EFCAB11: variants seen among roughly 807,000 people sequenced by gnomAD.
The protein encoded by EFCAB11 is EF-hand calcium binding domain 11, also known as EF-hand calcium-binding domain-containing protein 11.
EFCAB11 carries 14 observed loss-of-function variants against 23.0 expected under a neutral mutation model. That is an observed-to-expected ratio of 0.61 (90% CI 0.40 to 0.95). EFCAB11 has a LOEUF of 0.95. Ranked by LOEUF, EFCAB11 falls within the 40% of genes least tolerant of loss-of-function variation. EFCAB11 has a pLI of 0.00. For missense variants in EFCAB11, 198 were observed against 195.8 expected (o/e 1.01, Z -0.07); for synonymous variants, 65 against 66.6 (o/e 0.98, Z 0.11).
At chr14:89,872,326 C>T (rs1377103242) in intron 5 of EFCAB11, among the ~76,000 whole-genome samples, 3 of 152,296 alleles carry the variant, frequency 2.0e-5, no homozygotes, top group Non-Finnish European at 2.9e-5. Context: ...AAGCCACACG[C>T]GCAAAGGCAC....
At chr14:89,907,583 T>A (rs896365040) in intron 5 of EFCAB11, among the ~76,000 whole-genome samples, 31 of 152,328 alleles carry the variant, frequency 2.0e-4, no homozygotes, top group African/African-American at 7.2e-4. Flanking sequence ...TGAAAATTTA[T>A]ATGCTGTCTA....
At chr14:89,812,062 G>C (rs1886166621) in intron 5 of EFCAB11, among the ~76,000 whole-genome samples, 1 of 152,114 alleles carries the variant, frequency 6.6e-6, no homozygotes, top group Non-Finnish European at 1.5e-5. Context: ...GTTGGTTCCA[G>C]TTCTAAATCT....
At chr14:89,835,644 T>TGTGTGTGTGTGTG (rs1223325732) in intron 5 of EFCAB11, among the ~76,000 whole-genome samples, 94 of 57,928 alleles carry the variant, frequency 1.6e-3, no homozygotes, top group African/African-American at 3.8e-3. Context: ...GTGTGTGTGT[T>TGTGTGTGTGTGTG]TGAGACGTTG....
intron 1 of EFCAB11, chr14:89,954,279 A>G: frequency 6.9e-7 from 1 of 1,443,120 alleles, no homozygotes; most frequent in Admixed American, 2.0e-5. Context: ...TCTACCCAAA[A>G]TTCAGTCCTG....
At chr14:89,911,414 T>C (rs1235141637) in intron 5 of EFCAB11, among the ~76,000 whole-genome samples, 1 of 152,166 alleles carries the variant, frequency 6.6e-6, no homozygotes, top group African/African-American at 2.4e-5. Flanking sequence ...CAGACGTTAT[T>C]TCAGACTACG....
At chr14:89,942,803 T>C (rs1363512901) in intron 3 of EFCAB11, among the ~76,000 whole-genome samples, 1 of 152,226 alleles carries the variant, frequency 6.6e-6, no homozygotes, top group East Asian at 1.9e-4. Context: ...CATGTACACT[T>C]CTTCCAGATA....
chr14:89,930,394 T>C (rs1890348336), intron 5 of EFCAB11, among the ~76,000 whole-genome samples: 2 of 152,236 alleles, frequency 1.3e-5, no homozygotes, highest in Middle Eastern at 3.2e-3. Flanking sequence ...TCTTCCTTGG[T>C]ATCAGAACCT....
chr14:89,827,739 T>C (rs1886747449), intron 5 of EFCAB11, among the ~76,000 whole-genome samples: 1 of 150,708 alleles, frequency 6.6e-6, no homozygotes, highest in Admixed American at 6.7e-5. Context: ...GTTCAAGCGA[T>C]TCTCCTGCCT....
chr14:89,943,438 C>T (rs1176620850), intron 3 of EFCAB11, among the ~76,000 whole-genome samples: 5 of 151,686 alleles, frequency 3.3e-5, no homozygotes, highest in Admixed American at 1.3e-4. Context: ...GATGGGGTTT[C>T]GCCATGTTGC....
At chr14:89,895,329 C>T (rs932625264) in intron 5 of EFCAB11, among the ~76,000 whole-genome samples, 4 of 152,128 alleles carry the variant, frequency 2.6e-5, no homozygotes, top group African/African-American at 9.7e-5. Flanking sequence ...GAAATCTGAA[C>T]AGTTTCTGGT....
intron 5 of EFCAB11, chr14:89,836,562 G>A (rs547424402): frequency 3.7e-5 from 17 of 456,548 alleles, no homozygotes; most frequent in African/African-American, 4.0e-5. Context: ...GGGACCAGAC[G>A]TCAGTACTCC....
chr14:89,834,226 A>C (rs919040757), intron 5 of EFCAB11, among the ~76,000 whole-genome samples: 5 of 151,700 alleles, frequency 3.3e-5, no homozygotes, highest in African/African-American at 1.2e-4. Context: ...AATACAAAAA[A>C]TTAGCCGAGC....
At chr14:89,871,674 A>C (rs1888273548) in intron 5 of EFCAB11, among the ~76,000 whole-genome samples, 2 of 152,038 alleles carry the variant, frequency 1.3e-5, no homozygotes, top group Non-Finnish European at 2.9e-5. Context: ...TCTCCTTTCT[A>C]TTACCCAGTA....
intron 5 of EFCAB11, chr14:89,837,148 G>T (rs1278360989): frequency 1.1e-5 from 5 of 455,456 alleles, no homozygotes; most frequent in African/African-American, 2.0e-5. Context: ...TTAGGCCTCT[G>T]CAACATACAG....
intron 5 of EFCAB11, among the ~76,000 whole-genome samples, chr14:89,883,568 T>C (rs542856127): frequency 1.5e-3 from 230 of 152,352 alleles, no homozygotes; most frequent in Middle Eastern, 0.01. Context: ...TATACAATAT[T>C]GTTTAGGAAA....
intron 3 of EFCAB11, 35 bp from the exon 4 acceptor site, chr14:89,932,662 T>C: frequency 6.6e-7 from 1 of 1,510,440 alleles, no homozygotes; most frequent in Non-Finnish European, 9.2e-7. Flanking sequence ...TGTCAAAGAT[T>C]ATTGTCTTCC....
intron 5 of EFCAB11, among the ~76,000 whole-genome samples, chr14:89,804,566 C>T (rs1566764564): frequency 6.6e-6 from 1 of 152,162 alleles, no homozygotes. Context: ...CACAAGCCCC[C>T]ATCAGGCTCT....
At chr14:89,926,199 C>T (rs1235902856) in intron 5 of EFCAB11, among the ~76,000 whole-genome samples, 3 of 152,244 alleles carry the variant, frequency 2.0e-5, no homozygotes, top group Admixed American at 1.3e-4. Context: ...TTAGACATAA[C>T]AAATGAGTAG....
chr14:89,886,250 G>A (rs747215304), intron 5 of EFCAB11, among the ~76,000 whole-genome samples: 1 of 152,016 alleles, frequency 6.6e-6, no homozygotes, highest in Non-Finnish European at 1.5e-5. Flanking sequence ...AGGCGTGGTG[G>A]CTCATGCCTG....
Sources: allele counts gnomAD v4.1 joint callset (sites outside exome capture counted in the v4.1 genomes callset), GRCh38; gene constraint gnomAD v4.1.1; transcripts MANE v1.5; gene names NCBI Gene and HGNC (gene_info 2026-07-23, HGNC 2026-07-21).